The following PCCA variants were observed in gnomAD, a reference collection of about 807,000 sequenced individuals.
The protein encoded by PCCA is propionyl-CoA carboxylase alpha chain, mitochondrial.
In PCCA, 74 loss-of-function variants were observed where a neutral mutation model predicts 101.3. The observed-to-expected ratio is 0.73, with a 90% confidence interval of 0.61 to 0.89. The LOEUF (loss-of-function observed/expected upper bound fraction) is 0.89. Ranked by LOEUF, PCCA falls within the 40% of genes least tolerant of loss-of-function variation. PCCA has a pLI of 0.00. For missense variants in PCCA, 891 were observed against 907.0 expected (o/e 0.98, Z 0.23); for synonymous variants, 294 against 313.6 (o/e 0.94, Z 0.66).
intron 6 of PCCA, among the ~76,000 whole-genome samples, chr13:100,193,909 C>T (rs960739262): frequency 1.3e-5 from 2 of 151,954 alleles, no homozygotes; most frequent in Admixed American, 6.6e-5. Flanking sequence ...GAAACCCCGT[C>T]TCTACAAAAA....
intron 20 of PCCA, among the ~76,000 whole-genome samples, chr13:100,434,585 A>C (rs1461851362): frequency 6.6e-6 from 1 of 152,116 alleles, no homozygotes; most frequent in African/African-American, 2.4e-5. Context: ...CACCTGCAGA[A>C]CACTTAATGC....
chr13:100,380,538 T>C (rs2076166709), intron 19 of PCCA, among the ~76,000 whole-genome samples: 1 of 152,156 alleles, frequency 6.6e-6, no homozygotes, highest in South Asian at 2.1e-4. Flanking sequence ...CAAAAATATA[T>C]GGTCAATTGA....
intron 19 of PCCA, among the ~76,000 whole-genome samples, chr13:100,399,679 A>C (rs1034966333): frequency 1.3e-5 from 2 of 152,226 alleles, no homozygotes; most frequent in African/African-American, 4.8e-5. Flanking sequence ...GGTTTAGAGA[A>C]CTTGAATGGT....
intron 18 of PCCA, among the ~76,000 whole-genome samples, chr13:100,341,948 C>A (rs1264141705): frequency 1.6e-5 from 1 of 61,558 alleles, no homozygotes; most frequent in Non-Finnish European, 3.2e-5. Context: ...TTTGGTAGAA[C>A]CCTTCAAAGT....
chr13:100,436,496 A>G (rs575825363), intron 20 of PCCA, among the ~76,000 whole-genome samples: 1 of 152,210 alleles, frequency 6.6e-6, no homozygotes, highest in Non-Finnish European at 1.5e-5. Flanking sequence ...GGTGGTTTGC[A>G]AAGGGAGTAG....
chr13:100,366,442 G>A (rs1399747958), intron 18 of PCCA, among the ~76,000 whole-genome samples: 1 of 152,094 alleles, frequency 6.6e-6, no homozygotes, highest in African/African-American at 2.4e-5. Flanking sequence ...TCCTGTGCCA[G>A]GAGCTGGAGA....
chr13:100,409,850 C>G (rs1436612765), intron 19 of PCCA, among the ~76,000 whole-genome samples: 1 of 152,166 alleles, frequency 6.6e-6, no homozygotes, highest in South Asian at 2.1e-4. Flanking sequence ...TCACTGCAAC[C>G]TCTGCCTCCT....
At chr13:100,194,478 T>C (rs1043238138) in intron 6 of PCCA, among the ~76,000 whole-genome samples, 1 of 152,124 alleles carries the variant, frequency 6.6e-6, no homozygotes, top group Non-Finnish European at 1.5e-5. Context: ...AGTGCAGTGG[T>C]GCAACTTCAG....
chr13:100,520,503 C>T (rs947354043), intron 22 of PCCA, among the ~76,000 whole-genome samples: 11 of 151,542 alleles, frequency 7.3e-5, no homozygotes, highest in East Asian at 1.9e-4. Flanking sequence ...GGCGCAGTGG[C>T]GGGCGCCTGT....
chr13:100,256,451 A>G (rs2062081309), intron 8 of PCCA, among the ~76,000 whole-genome samples: 1 of 152,192 alleles, frequency 6.6e-6, no homozygotes, highest in Admixed American at 6.5e-5. Flanking sequence ...GTGTAAGAGC[A>G]TGTTCTTTAT....
chr13:100,178,191 T>C (rs766372666), intron 6 of PCCA, among the ~76,000 whole-genome samples: 2 of 152,228 alleles, frequency 1.3e-5, no homozygotes, highest in Non-Finnish European at 1.5e-5. Flanking sequence ...CCTGTATGGT[T>C]ATTTCGATGT....
At chr13:100,454,540 A>G (rs148177820) in intron 21 of PCCA, among the ~76,000 whole-genome samples, 240 of 152,364 alleles carry the variant, frequency 1.6e-3, no homozygotes, top group African/African-American at 5.5e-3. Flanking sequence ...TGTCTAAAGC[A>G]AGTATAGTTT....
intron 19 of PCCA, among the ~76,000 whole-genome samples, chr13:100,406,511 C>G (rs1345989396): frequency 6.6e-6 from 1 of 152,142 alleles, no homozygotes; most frequent in Non-Finnish European, 1.5e-5. Context: ...TCGAGACCAG[C>G]CTGACCAACA....
chr13:100,411,550 G>A (rs1199698964), intron 19 of PCCA, among the ~76,000 whole-genome samples: 2 of 152,206 alleles, frequency 1.3e-5, no homozygotes, highest in African/African-American at 4.8e-5. Context: ...TGCCCTGCAA[G>A]TCTGGAAAGT....
At chr13:100,119,923 A>G (rs1299822554) in intron 4 of PCCA, among the ~76,000 whole-genome samples, 1 of 151,952 alleles carries the variant, frequency 6.6e-6, no homozygotes, top group African/African-American at 2.4e-5. Context: ...CCAGGCTGGA[A>G]TGCAATGGCG....
At chr13:100,463,284 A>T (rs2082288087) in intron 21 of PCCA, among the ~76,000 whole-genome samples, 1 of 149,728 alleles carries the variant, frequency 6.7e-6, no homozygotes, top group African/African-American at 2.5e-5. Flanking sequence ...TCATTGAAGG[A>T]GTTGAAAGAA....
chr13:100,237,153 G>A (rs1202590349), intron 8 of PCCA: 1 of 152,216 alleles, frequency 6.6e-6, no homozygotes, highest in Admixed American at 6.5e-5. Flanking sequence ...GTCTGGAAGT[G>A]ATCACTTGTA....
chr13:100,144,232 A>G (rs1250924640), intron 4 of PCCA, among the ~76,000 whole-genome samples: 1 of 152,138 alleles, frequency 6.6e-6, no homozygotes, highest in Admixed American at 6.5e-5. Context: ...TATTTGTAAT[A>G]CTCATCTGAT....
chr13:100,167,576 A>G, intron 6 of PCCA, among the ~76,000 whole-genome samples: 1 of 152,204 alleles, frequency 6.6e-6, no homozygotes, highest in South Asian at 2.1e-4. Context: ...AAAAAAATAG[A>G]TATATGTAAT....
Sources: gnomAD v4.1 joint callset for allele counts (sites outside exome capture counted in the v4.1 genomes callset) on GRCh38, gnomAD v4.1.1 for gene constraint, MANE v1.5 for transcripts, NCBI Gene and HGNC (gene_info 2026-07-23, HGNC 2026-07-21) for gene names.